RUBCN: variants seen among roughly 807,000 people sequenced by gnomAD.
RUBCN encodes the protein run domain Beclin-1-interacting and cysteine-rich domain-containing protein.
Under a neutral mutation model 113.2 loss-of-function variants are expected in RUBCN, and 74 were observed. The observed-to-expected ratio is 0.65, with a 90% CI of 0.54 to 0.79. RUBCN has a LOEUF of 0.79. Among genes scored for constraint, RUBCN ranks in the 30% least tolerant of loss-of-function variants. The pLI is 0.00. For missense variants in RUBCN, 1,109 were observed against 1,251.7 expected, an observed-to-expected ratio of 0.89 and a Z score of 1.72; for synonymous variants, 480 against 490.0, an observed-to-expected ratio of 0.98 and a Z score of 0.27.
In RUBCN at chr3:197,704,641, C is replaced by T. The variant is rs758877566; in HGVS notation, c.364G>A (p.Ala122Thr). 3.1e-6 allele frequency: 5 copies of T among 1,614,186 alleles called. No individual in the cohort carries two copies. Among genetic ancestry groups the T allele is most frequent in the Non-Finnish European group, 4.2e-6 (5 of 1,180,018 alleles). Reference sequence around the variant, plus strand: ...AGGCTGTGCTGCAGCCACAGCTCGGCAACAGCACGTTCACTGGCACCATCA... The same window carrying T: ...AGGCTGTGCTGCAGCCACAGCTCGGTAACAGCACGTTCACTGGCACCATCA... ...SADGASERAVAELWLQHSLQY... is the reference protein window; with the variant it reads ...SADGASERAVTELWLQHSLQY... Residue 122 changes from alanine to threonine, a missense_variant, in exon 4 of 20, where the codon GCC becomes ACC. Ala to Thr is a moderately conservative substitution (Grantham distance 58). This residue lies in a region of RUBCN where 736 missense variants were observed against 779.6 expected (regional missense o/e 0.94). Transcript: ENST00000296343.
chr3:197,729,555 T>A (rs1727180964), intron 1 of RUBCN, among the ~76,000 whole-genome samples: 1 of 151,824 alleles, frequency 6.6e-6, no homozygotes, highest in African/African-American at 2.4e-5. Context: ...GTCCGGCCCC[T>A]GCTTTTGTTT....
chr3:197,717,443 C>CAA (rs375835905), intron 2 of RUBCN, among the ~76,000 whole-genome samples: 4,594 of 124,224 alleles, frequency 0.037, 243 homozygotes, highest in African/African-American at 0.13. Context: ...GACTCCGTCT[C>CAA]AAAAAAAAAA....
chr3:197,699,289 G>A, intron 7 of RUBCN: 5 of 1,296,946 alleles, frequency 3.9e-6, no homozygotes, highest in Admixed American at 4.2e-5. Context: ...AGAATACAGA[G>A]AGAGAAAAAA....
At chr3:197,732,906 G>T (rs1180735213) in intron 1 of RUBCN, among the ~76,000 whole-genome samples, 1 of 152,194 alleles carries the variant, frequency 6.6e-6, no homozygotes, top group African/African-American at 2.4e-5. Context: ...AAAAAAACTA[G>T]CAAGGGGTGG....
At chr3:197,693,250 A>AGG (rs1722631947) in intron 11 of RUBCN, among the ~76,000 whole-genome samples, 3 of 152,360 alleles carry the variant, frequency 2.0e-5, no homozygotes, top group Non-Finnish European at 4.4e-5. Flanking sequence ...ACCGACCGCA[A>AGG]GGGCAGAAAT....
Position 197,718,008 on chromosome 3 carries a change from C to T in RUBCN, c.188G>A (p.Ser63Asn). 1.2e-6 allele frequency: 2 copies of T among 1,614,110 alleles called. No individual in the cohort carries two copies. Among genetic ancestry groups the T allele is most frequent in the Non-Finnish European group, 8.5e-7 (1 of 1,180,028 alleles). The change falls in exon 2 of 20, where the codon AGC (serine) becomes AAC (asparagine). Residue 63 changes from serine (S) to asparagine (N), a missense_variant. Ser to Asn is a conservative substitution (Grantham distance 46). Coordinates refer to ENST00000296343, the MANE Select transcript of RUBCN (RefSeq NM_014687.4). ...GLERLCRDMQ[S>N]ILYHGLIRDQ... Reference sequence around the variant, plus strand: ...ACGGATAAGCCCGTGATAGAGGATGCTCTGCATGTCCCTGCAAAGCCGCTC... The same window carrying T: ...ACGGATAAGCCCGTGATAGAGGATGTTCTGCATGTCCCTGCAAAGCCGCTC...
upstream of RUBCN, among the ~76,000 whole-genome samples, chr3:197,740,095 G>T (rs1434103724): frequency 6.6e-6 from 1 of 152,034 alleles, no homozygotes; most frequent in Non-Finnish European, 1.5e-5. Context: ...TGGAAAACAG[G>T]CTTTTTCTCA....
chr3:197,726,540 C>G (rs1726778125), intron 1 of RUBCN, among the ~76,000 whole-genome samples: 1 of 136,046 alleles, frequency 7.4e-6, no homozygotes, highest in Non-Finnish European at 1.5e-5. Context: ...GCCACCGCGT[C>G]CAGCCTATTT....
At chr3:197,729,354 G>A (rs796423220) in intron 1 of RUBCN, among the ~76,000 whole-genome samples, 12 of 152,106 alleles carry the variant, frequency 7.9e-5, no homozygotes, top group African/African-American at 2.9e-4. Context: ...CCGGGCTCAC[G>A]CCATTCTCCT....
At chr3:197,742,541 C>T (rs1485145621) in intron 1 of RUBCN, among the ~76,000 whole-genome samples, 2 of 152,132 alleles carry the variant, frequency 1.3e-5, no homozygotes, top group South Asian at 2.1e-4. Context: ...ACATAGTTGA[C>T]GAATGTTCGT....
chr3:197,684,184 C>T lies in RUBCN; in HGVS notation c.1820G>A (p.Ser607Asn), dbSNP rs1721575816. The change falls in exon 12 of 20, where the codon AGC (serine) becomes AAC (asparagine). Residue 607 changes from serine to asparagine, a missense_variant. Physicochemically the swap from Ser to Asn is conservative, Grantham distance 46. Coordinates refer to ENST00000296343, the MANE Select transcript of RUBCN (RefSeq NM_014687.4). ...ADIRRNTASS[S>N]KSFVSSQSFS... Reference sequence around the variant, plus strand: ...GGACTGGGAGGAAACGAAGGATTTGCTGCTTGAGGCTGTGTTCCTTCTGAT... The same window carrying T: ...GGACTGGGAGGAAACGAAGGATTTGTTGCTTGAGGCTGTGTTCCTTCTGAT... The T allele has an allele frequency of 6.2e-7, 1 of 1,613,614 alleles. No individual in the cohort carries two copies. The highest frequency in any genetic ancestry group is 8.5e-7 in the Non-Finnish European group (1 of 1,179,616).
In RUBCN at chr3:197,683,556, C is replaced by A; in HGVS notation, c.1848-117G>T. 9.0e-7 allele frequency: 1 copy of A among 1,115,360 alleles called. No homozygotes were observed. Among genetic ancestry groups the A allele is most frequent in the South Asian group, 1.3e-5 (1 of 75,578 alleles). 69.1% of individuals were successfully genotyped at this position (1,115,360 alleles called of 1,614,324 possible). Reference sequence around the variant, plus strand: ...TTCTGGGCTGGAAGAACACCCGCAGCACCCTGGCCTGCTCATCACCCTCAC... The same window carrying A: ...TTCTGGGCTGGAAGAACACCCGCAGAACCCTGGCCTGCTCATCACCCTCAC... On this transcript the variant is annotated intron_variant, in intron 12 of 19. Transcript: ENST00000296343. This position sits in a 1 kb window ranked among gnomAD's most constrained non-coding sequence, Gnocchi z 4.6.
chr3:197,699,267 G>A (rs1477926989), intron 7 of RUBCN: 2 of 1,447,168 alleles, frequency 1.4e-6, no homozygotes, highest in South Asian at 2.4e-5. Flanking sequence ...GGAGAGTCCA[G>A]ATAGAGCAAT....
At chr3:197,743,152 C>T (rs1314782337) in intron 1 of RUBCN, among the ~76,000 whole-genome samples, 3 of 152,198 alleles carry the variant, frequency 2.0e-5, no homozygotes, top group Non-Finnish European at 1.5e-5. Context: ...CAGGCTCCTC[C>T]GGAGCTCTTG....
intron 16 of RUBCN, among the ~76,000 whole-genome samples, chr3:197,678,585 G>C (rs560786716): frequency 1.3e-5 from 2 of 148,206 alleles, no homozygotes; most frequent in South Asian, 4.3e-4. Context: ...CCTACACTCT[G>C]ACAACTGGCT....
chr3:197,669,609 T>A lies in RUBCN; in HGVS notation c.*5409A>T, dbSNP rs1719599167. Among the ~76,000 whole-genome samples the A allele has an allele frequency of 6.6e-6, 1 of 152,220 alleles. No homozygotes were observed. The highest frequency in any genetic ancestry group is 1.5e-5 in the Non-Finnish European group (1 of 68,046). ...GTTGATTACTTGGTTAAGGTCGTGT[T>A]AGCTCTCTCTACTCTAAAGTTGCTA... is the stretch of plus-strand genomic sequence containing the variant. On this transcript the variant is annotated 3_prime_UTR_variant, in exon 20 of 20. Coordinates refer to ENST00000296343, the MANE Select transcript of RUBCN (RefSeq NM_014687.4).
intron 1 of RUBCN, among the ~76,000 whole-genome samples, chr3:197,727,579 C>T (rs1726904137): frequency 6.6e-6 from 1 of 152,214 alleles, no homozygotes; most frequent in Non-Finnish European, 1.5e-5. Flanking sequence ...CAAACAGTAT[C>T]TCCACTGCGT....
At chr3:197,731,419 C>T in intron 1 of RUBCN, among the ~76,000 whole-genome samples, 1 of 152,250 alleles carries the variant, frequency 6.6e-6, no homozygotes, top group Non-Finnish European at 1.5e-5. Context: ...CGGCAACCAT[C>T]CGATTTCTCA....
Position 197,684,214 on chromosome 3 carries a change from G to C in RUBCN, c.1790C>G (p.Ala597Gly), listed in dbSNP as rs760063782. ...TGAGGCTGTGTTCCTTCTGATGTCAGCATCTACATGGAAACCAGAGATAAG... is the reference window on the plus strand; with the variant it reads ...TGAGGCTGTGTTCCTTCTGATGTCACCATCTACATGGAAACCAGAGATAAG... Reference protein sequence around the residue: ...DEVDEFEIQDADIRRNTASSS... With the variant: ...DEVDEFEIQDGDIRRNTASSS... Residue 597 changes from alanine to glycine, a missense_variant, in exon 12 of 20, where the codon GCT becomes GGT. This residue lies in a region of RUBCN where 736 missense variants were observed against 779.6 expected (regional missense o/e 0.94). Coordinates refer to ENST00000296343, the MANE Select transcript of RUBCN (RefSeq NM_014687.4). 3.3e-5 allele frequency: 53 copies of C among 1,613,022 alleles called. No individual in the cohort carries two copies. Among genetic ancestry groups the C allele is most frequent in the Non-Finnish European group, 3.8e-5 (45 of 1,179,150 alleles).
Sources: allele counts gnomAD v4.1 joint callset (sites outside exome capture counted in the v4.1 genomes callset), GRCh38; gene constraint gnomAD v4.1.1; regional missense constraint gnomAD v4.1.1; non-coding constraint Gnocchi (gnomAD v3.1); transcripts MANE v1.5; gene names NCBI Gene and HGNC (gene_info 2026-07-23, HGNC 2026-07-21).